The following ZNF143 variants were observed in gnomAD, a reference collection of about 807,000 sequenced individuals.
ZNF143 encodes the protein SPH-binding factor.
A neutral mutation model predicts 74.1 loss-of-function variants in ZNF143; 49 were observed. That is an observed-to-expected ratio of 0.66 (90% CI 0.53 to 0.84). The LOEUF (loss-of-function observed/expected upper bound fraction) is 0.84. Ranked by LOEUF, ZNF143 falls within the 40% of genes least tolerant of loss-of-function variation. The pLI, the probability that ZNF143 is intolerant of heterozygous loss-of-function variation, is 0.00. For missense variants in ZNF143, 637 were observed against 793.4 expected, an observed-to-expected ratio of 0.80 and a Z score of 2.37; for synonymous variants, 304 against 282.8, an observed-to-expected ratio of 1.07 and a Z score of -0.75.
intron 13 of ZNF143, among the ~76,000 whole-genome samples, chr11:9,513,803 G>C (rs983759182): frequency 6.6e-6 from 1 of 152,230 alleles, no homozygotes; most frequent in East Asian, 1.9e-4. Flanking sequence ...GCTGAGGCGG[G>C]AGGATCACTT....
At chr11:9,467,921 C>T (rs1275116827) in intron 1 of ZNF143, among the ~76,000 whole-genome samples, 1 of 150,690 alleles carries the variant, frequency 6.6e-6, no homozygotes, top group African/African-American at 2.4e-5. Context: ...TGATGCTTTG[C>T]TTTCCTTACC....
At chr11:9,497,932 G>A (rs910906900) in intron 10 of ZNF143, 132 bp downstream of exon 10, 15 of 589,738 alleles carry the variant, frequency 2.5e-5, no homozygotes, top group East Asian at 4.1e-5. Context: ...CCGGGTTCAC[G>A]CCATTCTCCT....
intron 14 of ZNF143, among the ~76,000 whole-genome samples, chr11:9,521,192 G>C (rs2134245862): frequency 6.6e-6 from 1 of 152,282 alleles, no homozygotes. Flanking sequence ...TTCACTGTTA[G>C]TGTTGTACAT....
At chr11:9,483,805 A>G (rs951119729) in intron 7 of ZNF143, among the ~76,000 whole-genome samples, 7 of 144,532 alleles carry the variant, frequency 4.8e-5, no homozygotes, top group African/African-American at 1.6e-4. Flanking sequence ...GCTGGAGTGC[A>G]GTGGCATGAT....
intron 11 of ZNF143, among the ~76,000 whole-genome samples, chr11:9,508,374 C>T (rs1848433116): frequency 6.6e-6 from 1 of 152,208 alleles, no homozygotes; most frequent in Non-Finnish European, 1.5e-5. Flanking sequence ...ATCCTTTTCT[C>T]ATTCCTTGAG....
At chr11:9,525,540 G>T in intron 15 of ZNF143, 154 bp downstream of exon 15, 1 of 1,004,386 alleles carries the variant, frequency 1.0e-6, no homozygotes, top group Non-Finnish European at 1.5e-6. Flanking sequence ...TGTATTTGAG[G>T]TGGACTCAAA....
At chr11:9,486,357 T>TATATA (rs1847481229) in intron 7 of ZNF143, among the ~76,000 whole-genome samples, 1 of 52,052 alleles carries the variant, frequency 1.9e-5, no homozygotes, top group Non-Finnish European at 3.7e-5. Flanking sequence ...ATATATTATA[T>TATATA]ATATATTATA....
At chr11:9,483,321 G>A (rs768460970) in intron 7 of ZNF143, among the ~76,000 whole-genome samples, 8 of 93,600 alleles carry the variant, frequency 8.5e-5, no homozygotes, top group Non-Finnish European at 1.5e-4. Flanking sequence ...TTTTGGAGAC[G>A]GCATCTCGCT....
intron 7 of ZNF143, among the ~76,000 whole-genome samples, chr11:9,480,816 G>C (rs768515766): frequency 9.2e-5 from 14 of 151,896 alleles, no homozygotes; most frequent in Non-Finnish European, 2.1e-4. Context: ...GAACCCAGGA[G>C]GCAGAGGTTG....
At chr11:9,478,311 A>T in intron 5 of ZNF143, 79 bp from the exon 6 acceptor site, 3 of 1,473,814 alleles carry the variant, frequency 2.0e-6, no homozygotes. Context: ...ATAAAAGCTC[A>T]TTTCTCTCTT....
At chr11:9,512,408 G>A (rs1287274799) in intron 12 of ZNF143, 40 bp from the exon 13 acceptor site, 1 of 1,588,230 alleles carries the variant, frequency 6.3e-7, no homozygotes, top group Non-Finnish European at 8.6e-7. Context: ...TAAACAAATT[G>A]GTTGGTTGGT....
At chr11:9,494,855 T>A in intron 8 of ZNF143, 90 bp downstream of exon 8, 2 of 1,340,672 alleles carry the variant, frequency 1.5e-6, no homozygotes, top group Non-Finnish European at 2.0e-6. Flanking sequence ...CAAATGCCAC[T>A]GTTTTCTCCC....
intron 1 of ZNF143, among the ~76,000 whole-genome samples, chr11:9,469,038 G>A (rs1179381671): frequency 1.3e-5 from 2 of 151,490 alleles, no homozygotes; most frequent in Admixed American, 1.3e-4. Flanking sequence ...GGAGGCTGAG[G>A]CATGAGAATC....
chr11:9,518,593 T>A (rs1432882545), intron 14 of ZNF143, among the ~76,000 whole-genome samples: 1 of 152,092 alleles, frequency 6.6e-6, no homozygotes, highest in South Asian at 2.1e-4. Context: ...GCAGGGTGCC[T>A]GTAATCACAG....
At chr11:9,494,603 G>A in intron 7 of ZNF143, 43 bp from the exon 8 acceptor site, 1 of 1,587,196 alleles carries the variant, frequency 6.3e-7, no homozygotes, top group Non-Finnish European at 8.6e-7. Flanking sequence ...GAGCCACTGT[G>A]CCTGGCTTAA....
In ZNF143 at chr11:9,479,624, T is replaced by A. The variant is rs984700021; in HGVS notation, c.645+78T>A. ...TTCTGTGGATGAAAGCAAGAATAGG[T>A]AACTCACTACCTCTCTAGGAAAATC... On this transcript the variant is annotated intron_variant, in intron 7 of 15. Transcript: ENST00000396602. 3.5e-6 allele frequency: 4 copies of A among 1,159,260 alleles called. No individual in the cohort carries two copies. The African/African-American group carries it at 4.6e-5, about 13-fold the overall frequency. The allele number at this position is 1,159,260 out of a possible 1,614,324, so 71.8% of individuals were successfully genotyped here. A position where few individuals can be genotyped will look rare whatever the true frequency, so the allele number is the denominator to read the frequency against.
chr11:9,527,400 A>G (rs1849167960), intron 15 of ZNF143, 130 bp from the exon 16 acceptor site: 1 of 743,120 alleles, frequency 1.3e-6, no homozygotes, highest in Admixed American at 2.5e-5. Flanking sequence ...AGTTAGCAGT[A>G]GTATTTTAAC....
chr11:9,509,270 T>C (rs892220463), intron 12 of ZNF143, among the ~76,000 whole-genome samples: 4 of 152,198 alleles, frequency 2.6e-5, no homozygotes, highest in Admixed American at 1.3e-4. Context: ...GAAGGTGATA[T>C]GAAACAAGGC....
At chr11:9,513,453 T>A (rs962028185) in intron 13 of ZNF143, among the ~76,000 whole-genome samples, 3 of 152,250 alleles carry the variant, frequency 2.0e-5, no homozygotes, top group Admixed American at 2.0e-4. Context: ...GCCTTAACAC[T>A]TTTTCTTGAA....
Sources: gnomAD v4.1 joint callset for allele counts (sites outside exome capture counted in the v4.1 genomes callset) on GRCh38, gnomAD v4.1.1 for gene constraint, MANE v1.5 for transcripts, NCBI Gene and HGNC (gene_info 2026-07-23, HGNC 2026-07-21) for gene names.